The following ILDR1 variants were observed in gnomAD, a reference collection of about 807,000 sequenced individuals.
ILDR1 encodes immunoglobulin-like domain-containing receptor 1.
In ILDR1, 56 loss-of-function variants were observed where a neutral mutation model predicts 62.4. The ratio of observed to expected loss-of-function variants is 0.90; its 90% confidence interval spans 0.72 to 1.12. The LOEUF (loss-of-function observed/expected upper bound fraction) is 1.12. Among genes scored for constraint, ILDR1 ranks in the 50% most tolerant of loss-of-function variants. ILDR1 has a pLI of 0.00. For synonymous variants in ILDR1, 284 were observed against 277.8 expected (o/e 1.02, Z -0.22); for missense variants, 736 against 710.6 (o/e 1.04, Z -0.41).
At chr3:121,991,844 C>T (rs2071352480) in intron 7 of ILDR1, among the ~76,000 whole-genome samples, 1 of 152,198 alleles carries the variant, frequency 6.6e-6, no homozygotes, top group Non-Finnish European at 1.5e-5. Context: ...AAAAAACTCA[C>T]AGCAGAACAT....
the ILDR1 span, among the ~76,000 whole-genome samples, chr3:122,047,388 C>A: frequency 6.6e-6 from 1 of 152,258 alleles, no homozygotes; most frequent in African/African-American, 2.4e-5. Context: ...GCCCTGCCCC[C>A]AGAGGTGGAG....
At chr3:122,034,131 C>A in the ILDR1 span, among the ~76,000 whole-genome samples, 2 of 151,984 alleles carry the variant, frequency 1.3e-5, no homozygotes, top group Admixed American at 6.6e-5. Flanking sequence ...TTTCACATAC[C>A]CTTTATGTTA....
the ILDR1 span, among the ~76,000 whole-genome samples, chr3:122,049,616 C>G: frequency 1.3e-5 from 2 of 152,112 alleles, no homozygotes; most frequent in Non-Finnish European, 2.9e-5. Context: ...AACCTTTTAT[C>G]ATTATATGAT....
At chr3:121,989,436 T>C (rs902151074) in intron 7 of ILDR1, among the ~76,000 whole-genome samples, 1 of 152,214 alleles carries the variant, frequency 6.6e-6, no homozygotes, top group Non-Finnish European at 1.5e-5. Flanking sequence ...GGGATTCTCT[T>C]TAGAAAGTTT....
chr3:122,043,320 C>A, the ILDR1 span, among the ~76,000 whole-genome samples: 1 of 150,822 alleles, frequency 6.6e-6, no homozygotes, highest in Non-Finnish European at 1.5e-5. Context: ...TTACTGTAGC[C>A]TTGTAGTATA....
chr3:122,042,163 G>A, the ILDR1 span, among the ~76,000 whole-genome samples: 50 of 86,174 alleles, frequency 5.8e-4, no homozygotes, highest in African/African-American at 1.6e-3. Flanking sequence ...GAGAATATGC[G>A]GTGTTTGGTT....
intron 3 of ILDR1, 85 bp downstream of exon 3, chr3:122,005,159 A>C: frequency 1.0e-6 from 1 of 966,104 alleles, no homozygotes; most frequent in Admixed American, 2.1e-5. Context: ...AAGAAATGGG[A>C]AATCCCATGC....
chr3:122,007,592 C>A (rs374832595), intron 1 of ILDR1, among the ~76,000 whole-genome samples: 11 of 152,292 alleles, frequency 7.2e-5, no homozygotes, highest in African/African-American at 2.6e-4. Flanking sequence ...GTTAGGTCAG[C>A]CTACTGCCCT....
intron 1 of ILDR1, among the ~76,000 whole-genome samples, chr3:122,018,394 T>TCG: frequency 1.9e-5 from 1 of 51,946 alleles, no homozygotes; most frequent in African/African-American, 7.1e-5. Context: ...CCTGTTGGGG[T>TCG]GGGGGGGGGG....
At chr3:122,020,714 G>T (rs58742173) in intron 1 of ILDR1, among the ~76,000 whole-genome samples, 6,506 of 152,252 alleles carry the variant, frequency 0.043, 389 homozygotes, top group African/African-American at 0.14. Flanking sequence ...TTATAAATTT[G>T]CATTCATAGC....
At chr3:122,027,314 T>C in the ILDR1 span, among the ~76,000 whole-genome samples, 2 of 152,106 alleles carry the variant, frequency 1.3e-5, no homozygotes, top group African/African-American at 2.4e-5. Flanking sequence ...CTCAGCCTCC[T>C]GAGTAGTTGG....
the ILDR1 span, among the ~76,000 whole-genome samples, chr3:122,054,866 A>T: frequency 1.3e-5 from 2 of 152,130 alleles, no homozygotes; most frequent in Non-Finnish European, 2.9e-5. Flanking sequence ...TATAGTAGGA[A>T]TGAAATAATA....
chr3:122,048,492 A>C, the ILDR1 span, among the ~76,000 whole-genome samples: 1 of 152,346 alleles, frequency 6.6e-6, no homozygotes, highest in African/African-American at 2.4e-5. Flanking sequence ...GAGTTTGAGA[A>C]GGATTAGTGT....
chr3:122,047,177 CGTGTGAG>C, the ILDR1 span, among the ~76,000 whole-genome samples: 42 of 149,996 alleles, frequency 2.8e-4, no homozygotes, highest in Non-Finnish European at 4.4e-5. Context: ...AATACCCTGC[CGTGTGAG>C]GTGTCAGTGT....
chr3:121,989,206 A>C (rs559119524), intron 7 of ILDR1, among the ~76,000 whole-genome samples: 1 of 152,318 alleles, frequency 6.6e-6, no homozygotes, highest in South Asian at 2.1e-4. Context: ...TTTATCAGGA[A>C]AGTGAGTTTT....
chr3:121,997,117 T>C (rs988891819), intron 5 of ILDR1, among the ~76,000 whole-genome samples: 5 of 152,152 alleles, frequency 3.3e-5, no homozygotes, highest in African/African-American at 1.2e-4. Context: ...GCCAGGCTGG[T>C]TTTGAACTCC....
the ILDR1 span, among the ~76,000 whole-genome samples, chr3:122,041,188 A>G: frequency 6.6e-6 from 1 of 152,152 alleles, no homozygotes; most frequent in African/African-American, 2.4e-5. Flanking sequence ...AGGGTTGGAA[A>G]CTTAATTACC....
At chr3:122,001,976 A>C in intron 3 of ILDR1, 112 bp from the exon 4 acceptor site, 1 of 1,250,654 alleles carries the variant, frequency 8.0e-7, no homozygotes, top group Non-Finnish European at 1.1e-6. Flanking sequence ...TTTACAAAAA[A>C]TAATAAAAAA....
At position 121,988,188 on chromosome 3, in the gene ILDR1, G is replaced by A. The variant is rs2071280103; in HGVS notation, c.*179C>T. The A allele has an allele frequency of 1.5e-6, 1 of 679,390 alleles. No homozygotes were observed. The highest frequency in any genetic ancestry group is 1.5e-5 in the South Asian group (1 of 66,530). 42.1% of individuals were successfully genotyped at this position (679,390 alleles called of 1,614,324 possible). A position where few individuals can be genotyped will look rare whatever the true frequency, so the allele number is the denominator to read the frequency against. Reference sequence around the variant, plus strand: ...CCCAAAGTGCTGTGATTACAGGTGTGAGCCACTATACCCAATCTCAAACTC... The same window carrying A: ...CCCAAAGTGCTGTGATTACAGGTGTAAGCCACTATACCCAATCTCAAACTC... On this transcript the variant is annotated 3_prime_UTR_variant, in exon 8 of 8. Transcript: ENST00000344209.
Sources: gnomAD v4.1 joint callset for allele counts (sites outside exome capture counted in the v4.1 genomes callset) on GRCh38, gnomAD v4.1.1 for gene constraint, MANE v1.5 for transcripts, NCBI Gene and HGNC (gene_info 2026-07-23, HGNC 2026-07-21) for gene names.